The following FAM13A variants were observed in gnomAD, a reference collection of about 807,000 sequenced individuals.
The protein encoded by FAM13A is family with sequence similarity 13 member A.
A neutral mutation model predicts 129.6 loss-of-function variants in FAM13A; 76 were observed. The ratio of observed to expected loss-of-function variants is 0.59; its 90% CI spans 0.49 to 0.71. The LOEUF (loss-of-function observed/expected upper bound fraction) is 0.71, where lower values mean the gene tolerates loss of function less well. Ranked by LOEUF, FAM13A falls within the 30% of genes least tolerant of loss-of-function variation. FAM13A has a pLI of 0.00. For missense variants in FAM13A, 1,108 were observed against 1,249.3 expected, an observed-to-expected ratio of 0.89 and a Z score of 1.70; for synonymous variants, 443 against 449.9, an observed-to-expected ratio of 0.98 and a Z score of 0.20.
rs1194584922 is a variant in FAM13A, at chr4:88,847,873, C to CTTGCAGTGAGCGGAGA, written c.1007+3131_1007+3146dup. On this transcript the variant is annotated intron_variant, in intron 7 of 23. Coordinates refer to ENST00000264344, the MANE Select transcript of FAM13A (RefSeq NM_014883.4). ...AATGGCGTGAACCCAGGAGGCAGAG[C>CTTGCAGTGAGCGGAGA]TTGCAGTGAGCGGAGATTGCAGTGA... 2.0e-5 allele frequency among the ~76,000 whole-genome samples: 3 copies of CTTGCAGTGAGCGGAGA among 151,772 alleles called. No individual in the cohort carries two copies. In the East Asian group the frequency reaches 5.8e-4, roughly 30 times the overall value.
intron 7 of FAM13A, among the ~76,000 whole-genome samples, chr4:88,841,896 C>G (rs1578910475): frequency 6.6e-6 from 1 of 152,286 alleles, no homozygotes; most frequent in Admixed American, 6.5e-5. Context: ...AATTCCACCC[C>G]TAGGCTTATA....
At chr4:88,993,956 A>C (rs1763230487) in intron 3 of FAM13A, among the ~76,000 whole-genome samples, 1 of 151,372 alleles carries the variant, frequency 6.6e-6, no homozygotes, top group Non-Finnish European at 1.5e-5. Context: ...ATGCTACTGC[A>C]CTCCAGCCTG....
At chr4:88,731,565 C>T (rs1042323557) in intron 22 of FAM13A, 137 bp from the exon 23 acceptor site, 12 of 520,648 alleles carry the variant, frequency 2.3e-5, no homozygotes, top group Admixed American at 1.1e-4. Context: ...ATTGAGGGGG[C>T]GCGGAAATGC....
At chr4:89,009,710 A>G (rs1313050329) in intron 3 of FAM13A, among the ~76,000 whole-genome samples, 2 of 152,236 alleles carry the variant, frequency 1.3e-5, no homozygotes, top group Non-Finnish European at 2.9e-5. Flanking sequence ...AACGTTAAAC[A>G]TTCCACAACA....
intron 1 of FAM13A, among the ~76,000 whole-genome samples, chr4:89,045,184 G>C (rs1292530160): frequency 2.0e-5 from 3 of 152,014 alleles, no homozygotes; most frequent in Admixed American, 6.6e-5. Context: ...TCAGATAATA[G>C]GAGAATGTGA....
At chr4:88,779,452 T>A (rs1230745482) in intron 11 of FAM13A, among the ~76,000 whole-genome samples, 1 of 152,166 alleles carries the variant, frequency 6.6e-6, no homozygotes, top group Non-Finnish European at 1.5e-5. Context: ...TTGCGAAGAT[T>A]AGATTTTTAA....
intron 13 of FAM13A, among the ~76,000 whole-genome samples, chr4:88,761,499 A>T (rs189024455): frequency 1.3e-5 from 2 of 152,210 alleles, no homozygotes; most frequent in Admixed American, 1.3e-4. Context: ...AGAAATTTTG[A>T]TTTGGGGGCA....
chr4:88,836,929 C>T (rs1255575606), intron 7 of FAM13A, among the ~76,000 whole-genome samples: 1 of 151,514 alleles, frequency 6.6e-6, no homozygotes, highest in Non-Finnish European at 1.5e-5. Context: ...CACTGCACTC[C>T]AGCCTTGGCG....
At chr4:88,823,352 GCTC>G in intron 7 of FAM13A, 1 of 1,063,196 alleles carries the variant, frequency 9.4e-7, no homozygotes, top group Non-Finnish European at 1.1e-6. Flanking sequence ...TACTCCTTCT[GCTC>G]CTCAATGGTC....
intron 8 of FAM13A, among the ~76,000 whole-genome samples, chr4:88,796,130 C>T (rs1726127979): frequency 6.6e-6 from 1 of 151,670 alleles, no homozygotes; most frequent in Non-Finnish European, 1.5e-5. Context: ...GCTGATTTAT[C>T]TTCAATCTTG....
intron 6 of FAM13A, among the ~76,000 whole-genome samples, chr4:88,860,550 T>A (rs944513233): frequency 2.0e-5 from 3 of 152,168 alleles, no homozygotes; most frequent in African/African-American, 4.8e-5. Context: ...TCAATAATAG[T>A]GAAGGGATGT....
intron 3 of FAM13A, among the ~76,000 whole-genome samples, chr4:89,006,221 T>TG (rs34051876): frequency 0.49 from 73,906 of 152,012 alleles, 18,625 homozygotes; most frequent in Middle Eastern, 0.66. Context: ...TAGTCATAGG[T>TG]GTGCAGCCTT....
At chr4:88,730,849 T>G (rs1737573989) in intron 23 of FAM13A, among the ~76,000 whole-genome samples, 1 of 152,182 alleles carries the variant, frequency 6.6e-6, no homozygotes, top group African/African-American at 2.4e-5. Context: ...TTGCCCAGAA[T>G]AGAGTGCAGT....
chr4:88,991,128 C>T lies in FAM13A; in HGVS notation c.450G>A (p.Glu150=). ...CTTTTATTAAGTCTCTTAAGCTACT[C>T]TCCTGAACATCATTTCTGCCATCTG... ...LFQDGRNDVQ[E]SSLRDLIKEL... Residue 150 remains glutamate, a synonymous_variant, in exon 4 of 24, where the codon GAG becomes GAA. Transcript: ENST00000264344. The T allele has an allele frequency of 6.2e-7, 1 of 1,612,324 alleles. No homozygotes were observed.
intron 6 of FAM13A, chr4:88,856,120 A>G (rs897789264): frequency 5.9e-5 from 9 of 152,176 alleles, no homozygotes; most frequent in African/African-American, 2.2e-4. Flanking sequence ...ATAAACTGAT[A>G]GTTTAGACTT....
intron 6 of FAM13A, among the ~76,000 whole-genome samples, chr4:88,856,277 C>G (rs558617238): frequency 6.6e-6 from 1 of 151,338 alleles, no homozygotes; most frequent in Non-Finnish European, 1.5e-5. Context: ...ACCAGGAGGT[C>G]GAGACAAGCC....
At chr4:88,815,811 T>C (rs1730604292) in intron 7 of FAM13A, among the ~76,000 whole-genome samples, 1 of 152,142 alleles carries the variant, frequency 6.6e-6, no homozygotes, top group Non-Finnish European at 1.5e-5. Context: ...CTACGTTTAT[T>C]TAGAAAAATT....
At chr4:88,883,345 T>C (rs769537736) in intron 6 of FAM13A, among the ~76,000 whole-genome samples, 51 of 151,910 alleles carry the variant, frequency 3.4e-4, no homozygotes, top group Non-Finnish European at 4.0e-4. Context: ...AAATTGGAAA[T>C]CAACTCCAAA....
intron 15 of FAM13A, 90 bp downstream of exon 15, chr4:88,750,334 T>A: frequency 9.2e-7 from 1 of 1,083,606 alleles, no homozygotes; most frequent in Non-Finnish European, 1.4e-6. Context: ...ACGACTTAAT[T>A]AAAAAAAATT....
Sources: gnomAD v4.1 joint callset for allele counts (sites outside exome capture counted in the v4.1 genomes callset) on GRCh38, gnomAD v4.1.1 for gene constraint, MANE v1.5 for transcripts, NCBI Gene and HGNC (gene_info 2026-07-23, HGNC 2026-07-21) for gene names.